The following DNAH12 variants were observed in gnomAD, a reference collection of about 807,000 sequenced individuals.
DNAH12 encodes the protein dynein axonemal heavy chain 12.
In DNAH12, 285 loss-of-function variants were observed where a neutral mutation model predicts 371.5. The observed-to-expected ratio is 0.77, with a 90% CI of 0.70 to 0.85. The LOEUF is 0.85. DNAH12 is among the 40% of genes least tolerant of loss of function. The probability of loss-of-function intolerance (pLI) is 0.00; values close to 1 mark genes in which losing one functional copy is unlikely to be tolerated. For synonymous variants in DNAH12, 1,200 were observed against 1,213.0 expected, an observed-to-expected ratio of 0.99 and a Z score of 0.22; for missense variants, 3,611 against 3,689.4, an observed-to-expected ratio of 0.98 and a Z score of 0.55.
intron 69 of DNAH12, among the ~76,000 whole-genome samples, chr3:57,304,638 G>T (rs902585519): frequency 1.3e-5 from 2 of 152,140 alleles, no homozygotes; most frequent in East Asian, 1.9e-4. Context: ...TCACGCAGGG[G>T]ACACCTGCCT....
intron 14 of DNAH12, among the ~76,000 whole-genome samples, chr3:57,472,072 A>G (rs2066384153): frequency 6.6e-6 from 1 of 152,158 alleles, no homozygotes; most frequent in Non-Finnish European, 1.5e-5. Flanking sequence ...TTACAATACC[A>G]TCTTACCTCC....
intron 43 of DNAH12, among the ~76,000 whole-genome samples, chr3:57,399,819 T>C (rs1168004941): frequency 6.6e-6 from 1 of 152,230 alleles, no homozygotes; most frequent in Admixed American, 6.5e-5. Flanking sequence ...ATAGTCAATA[T>C]ATGTTTCTTC....
intron 13 of DNAH12, among the ~76,000 whole-genome samples, chr3:57,478,392 TAAAC>T (rs1413637438): frequency 2.0e-5 from 3 of 151,954 alleles, no homozygotes; most frequent in African/African-American, 4.8e-5. Context: ...TAAAAAGAAA[TAAAC>T]AAAGTCTCCA....
Position 57,296,412 on chromosome 3 carries a change from G to T in DNAH12, c.11556C>A (p.Asp3852Glu). The change falls in exon 72 of 74, where the codon GAC becomes GAA. Residue 3852 changes from aspartate (D) to glutamate (E), a missense_variant. By Grantham distance (45) the Asp-to-Glu change is conservative. Around this residue, in one of 3 missense-constraint regions of DNAH12, gnomAD observed 2,266 missense variants for 2,236.9 expected, o/e 1.01. Coordinates refer to ENST00000495027, the MANE Select transcript of DNAH12 (RefSeq NM_001366028.2). ...TATAAACACCATCTTCTGGTGATGT[G>T]TCAGATGTATCAGATGGGATAACCT... ...EFEVIPSDTS[D>E]TSPEDGVYIH... 6.4e-7 allele frequency: 1 copy of T among 1,550,930 alleles called. No individual in the cohort carries two copies. The highest frequency in any genetic ancestry group is 8.7e-7 in the Non-Finnish European group (1 of 1,146,556).
chr3:57,532,592 A>G (rs2068889732), intron 2 of DNAH12, among the ~76,000 whole-genome samples: 2 of 152,238 alleles, frequency 1.3e-5, no homozygotes, highest in Non-Finnish European at 2.9e-5. Flanking sequence ...TCATAGAAGT[A>G]TCACCTTGTG....
intron 38 of DNAH12, among the ~76,000 whole-genome samples, chr3:57,414,423 C>T (rs1012922466): frequency 1.3e-5 from 2 of 151,966 alleles, no homozygotes; most frequent in Non-Finnish European, 2.9e-5. Flanking sequence ...TCAGGGAGTA[C>T]ACATGCAGGT....
rs1288239576 is a variant in DNAH12 at position 57,310,922 on chromosome 3, G to A, written c.10691C>T (p.Pro3564Leu). The stretch of plus-strand genomic sequence containing the variant: ...AGTCAGGTAAGATATAGCTTCAAAT[G>A]GAATTGTATCATATTCATTGATAAA... The part of the protein sequence containing the change: ...QLFINEYDTI[P>L]FEAISYLTGE... The change falls in exon 67 of 74, where the codon CCA becomes CTA. Residue 3564 changes from proline (P) to leucine (L), a missense_variant. By Grantham distance (98) the Pro-to-Leu change is moderately conservative. Transcript: ENST00000495027. 6 of 1,550,868 alleles carry A rather than the reference G, an allele frequency of 3.9e-6. No homozygotes were observed. Among genetic ancestry groups the A allele is most frequent in the African/African-American group, 1.4e-5 (1 of 72,996 alleles).
chr3:57,449,512 G>A (rs903807021), intron 25 of DNAH12, among the ~76,000 whole-genome samples: 8 of 152,200 alleles, frequency 5.3e-5, no homozygotes, highest in South Asian at 2.1e-4. Flanking sequence ...GCTAAGGCCC[G>A]GTGAGAAATC....
intron 62 of DNAH12, among the ~76,000 whole-genome samples, chr3:57,333,046 A>T (rs1295462233): frequency 1.3e-5 from 2 of 152,166 alleles, no homozygotes; most frequent in Non-Finnish European, 2.9e-5. Context: ...CCAGATAAGA[A>T]ATATTTTAGG....
intron 2 of DNAH12, among the ~76,000 whole-genome samples, chr3:57,533,662 G>T (rs2068927221): frequency 1.3e-5 from 2 of 152,246 alleles, no homozygotes; most frequent in African/African-American, 4.8e-5. Flanking sequence ...CTAGGGCCCA[G>T]AATGGGGTTC....
intron 65 of DNAH12, among the ~76,000 whole-genome samples, chr3:57,316,524 C>G (rs2061689094): frequency 1.3e-5 from 2 of 152,080 alleles, no homozygotes; most frequent in Non-Finnish European, 2.9e-5. Flanking sequence ...AGTCAGATGT[C>G]CTGGGTGCCA....
chr3:57,330,942 G>A (rs542732405), intron 62 of DNAH12, among the ~76,000 whole-genome samples: 82 of 152,156 alleles, frequency 5.4e-4, no homozygotes, highest in African/African-American at 1.8e-3. Flanking sequence ...TTATTTCTCT[G>A]GAGAACAGAG....
At chr3:57,466,023 T>C (rs2153378903) in intron 17 of DNAH12, among the ~76,000 whole-genome samples, 1 of 151,934 alleles carries the variant, frequency 6.6e-6, no homozygotes, top group Middle Eastern at 3.4e-3. Context: ...TGGCATTTAC[T>C]CTTCCACAAT....
intron 55 of DNAH12, among the ~76,000 whole-genome samples, chr3:57,372,637 T>C (rs2063199717): frequency 6.6e-6 from 1 of 152,000 alleles, no homozygotes; most frequent in African/African-American, 2.4e-5. Context: ...TATTTGAAGA[T>C]ATTCAGTAAA....
chr3:57,305,085 G>C (rs1183683286), intron 69 of DNAH12, among the ~76,000 whole-genome samples: 2 of 152,052 alleles, frequency 1.3e-5, no homozygotes, highest in Non-Finnish European at 2.9e-5. Context: ...GTTCCAAATA[G>C]CCAGAAAACG....
At chr3:57,373,306 A>G (rs1323124952) in intron 55 of DNAH12, among the ~76,000 whole-genome samples, 2 of 124,886 alleles carry the variant, frequency 1.6e-5, no homozygotes, top group Non-Finnish European at 3.3e-5. Flanking sequence ...GTTAATCTAT[A>G]TTACTCAACT....
At chr3:57,478,467 C>T (rs755847004) in intron 13 of DNAH12, among the ~76,000 whole-genome samples, 334 of 152,134 alleles carry the variant, frequency 2.2e-3, no homozygotes, top group Non-Finnish European at 2.9e-3. Context: ...CTGAAAGTGA[C>T]GGGGAGAATG....
At chr3:57,534,418 G>T (rs11707555) in intron 2 of DNAH12, among the ~76,000 whole-genome samples, 10,692 of 151,866 alleles carry the variant, frequency 0.07, 488 homozygotes, top group South Asian at 0.12. Flanking sequence ...TATGTTCAGT[G>T]GAGCCTTCTA....
intron 60 of DNAH12, among the ~76,000 whole-genome samples, chr3:57,349,169 C>T (rs2062612966): frequency 6.6e-6 from 1 of 152,086 alleles, no homozygotes; most frequent in Non-Finnish European, 1.5e-5. Context: ...GAGCTAAGGA[C>T]ATGAATACAC....
Sources: allele counts gnomAD v4.1 joint callset (sites outside exome capture counted in the v4.1 genomes callset), GRCh38; gene constraint gnomAD v4.1.1; regional missense constraint gnomAD v4.1.1; transcripts MANE v1.5; gene names NCBI Gene and HGNC (gene_info 2026-07-23, HGNC 2026-07-21).